The following LOC400499 variants were observed in gnomAD, a reference collection of about 807,000 sequenced individuals.
At chr16:11,475,976 C>A in the LOC400499 span, among the ~76,000 whole-genome samples, 7 of 152,140 alleles carry the variant, frequency 4.6e-5, no homozygotes, top group Admixed American at 2.0e-4. Context: ...AGAGCAGGGC[C>A]TCCCCTAGCT....
the LOC400499 span, chr16:11,508,806 A>G: frequency 2.5e-6 from 1 of 399,092 alleles, no homozygotes; most frequent in Non-Finnish European, 4.4e-6. Context: ...CCTCCCACTC[A>G]TACAGCAGGC....
the LOC400499 span, among the ~76,000 whole-genome samples, chr16:11,453,674 G>A: frequency 1.2e-4 from 19 of 152,036 alleles, no homozygotes; most frequent in East Asian, 2.9e-3. Flanking sequence ...TAGAACAAAA[G>A]AGAAACAAGG....
chr16:11,513,700 G>C, the LOC400499 span, among the ~76,000 whole-genome samples: 1 of 151,920 alleles, frequency 6.6e-6, no homozygotes, highest in South Asian at 2.1e-4. Context: ...CAAACCGCTG[G>C]GATTATAGGT....
chr16:11,495,038 G>A, the LOC400499 span, among the ~76,000 whole-genome samples: 14 of 152,160 alleles, frequency 9.2e-5, no homozygotes, highest in African/African-American at 2.6e-4. Flanking sequence ...GCAAAACCCC[G>A]TCTCTACTAA....
chr16:11,522,527 T>C, the LOC400499 span, among the ~76,000 whole-genome samples: 4 of 152,162 alleles, frequency 2.6e-5, no homozygotes, highest in Non-Finnish European at 2.9e-5. Context: ...CCCCAGACTT[T>C]GCAAAATGTC....
At chr16:11,488,553 G>T in the LOC400499 span, among the ~76,000 whole-genome samples, 1 of 152,110 alleles carries the variant, frequency 6.6e-6, no homozygotes, top group East Asian at 1.9e-4. Context: ...CCAAAGTGCT[G>T]GGATTACAGG....
chr16:11,387,073 T>A, the LOC400499 span: 1 of 1,229,914 alleles, frequency 8.1e-7, no homozygotes, highest in Non-Finnish European at 1.0e-6. Context: ...CAGGGGGCTC[T>A]CAGGGAGGAG....
At chr16:11,389,369 T>A in the LOC400499 span, among the ~76,000 whole-genome samples, 4 of 152,104 alleles carry the variant, frequency 2.6e-5, no homozygotes, top group African/African-American at 4.8e-5. Flanking sequence ...TAAGAAGGGT[T>A]TTTGTGTGTT....
chr16:11,393,535 C>T, the LOC400499 span: 1 of 1,232,424 alleles, frequency 8.1e-7, no homozygotes, highest in Non-Finnish European at 1.0e-6. Flanking sequence ...AGTAGGCCAA[C>T]CCGCTGAGCC....
chr16:11,471,091 G>C, the LOC400499 span, among the ~76,000 whole-genome samples: 1 of 152,154 alleles, frequency 6.6e-6, no homozygotes, highest in Non-Finnish European at 1.5e-5. Context: ...GCCATAGGGG[G>C]GCAGTCTACA....
chr16:11,446,483 G>A, the LOC400499 span: 7 of 1,402,858 alleles, frequency 5.0e-6, no homozygotes, highest in South Asian at 7.4e-5. Context: ...CAATCCTATT[G>A]AGCGATGACA....
the LOC400499 span, among the ~76,000 whole-genome samples, chr16:11,464,127 T>A: frequency 6.6e-6 from 1 of 151,120 alleles, no homozygotes; most frequent in Non-Finnish European, 1.5e-5. Context: ...TGTTCGTGTA[T>A]GTAAATATGG....
At chr16:11,383,866 T>G in the LOC400499 span, 1 of 1,232,108 alleles carries the variant, frequency 8.1e-7, no homozygotes, top group Non-Finnish European at 1.0e-6. Context: ...CTGCACCCCA[T>G]GGGCCAGGCT....
the LOC400499 span, chr16:11,399,148 T>C: frequency 2.9e-5 from 27 of 928,844 alleles, no homozygotes; most frequent in African/African-American, 4.4e-4. Context: ...AGACCAGACC[T>C]GATGCCTCGG....
chr16:11,466,920 ATT>A, the LOC400499 span, among the ~76,000 whole-genome samples: 1 of 127,286 alleles, frequency 7.9e-6, no homozygotes, highest in Non-Finnish European at 1.9e-5. Context: ...GTATATGTGT[ATT>A]GTGTGTGTGT....
chr16:11,478,212 G>C, the LOC400499 span, among the ~76,000 whole-genome samples: 1 of 150,016 alleles, frequency 6.7e-6, no homozygotes, highest in African/African-American at 2.4e-5. Flanking sequence ...GTTTTCAGTA[G>C]AGACAGGGTT....
the LOC400499 span, among the ~76,000 whole-genome samples, chr16:11,480,739 G>A: frequency 7.9e-5 from 12 of 152,286 alleles, no homozygotes; most frequent in South Asian, 2.3e-3. Context: ...AGGCCCAAGA[G>A]TCTTCATAGC....
chr16:11,449,719 C>CA, the LOC400499 span, among the ~76,000 whole-genome samples: 4 of 152,252 alleles, frequency 2.6e-5, no homozygotes, highest in African/African-American at 9.6e-5. Flanking sequence ...TGTCACTGAT[C>CA]CTTGGTTCCC....
chr16:11,475,243 T>C, the LOC400499 span, among the ~76,000 whole-genome samples: 1 of 152,110 alleles, frequency 6.6e-6, no homozygotes, highest in Non-Finnish European at 1.5e-5. Flanking sequence ...GACAGGTTGA[T>C]GGGTGCAGCA....
Sources: gnomAD v4.1 joint callset for allele counts (sites outside exome capture counted in the v4.1 genomes callset) on GRCh38, gnomAD v4.1.1 for gene constraint, MANE v1.5 for transcripts.